MAF: variants seen among roughly 807,000 people sequenced by gnomAD.
MAF encodes the protein transcription factor Maf.
A neutral mutation model predicts 22.0 loss-of-function variants in MAF; 10 were observed. That is an observed-to-expected ratio of 0.45 (90% CI 0.28 to 0.77). MAF has a LOEUF of 0.77. Ranked by LOEUF, MAF falls within the 30% of genes least tolerant of loss-of-function variation. The pLI, the probability that MAF is intolerant of heterozygous loss-of-function variation, is 0.12. For synonymous variants in MAF, 337 were observed against 255.8 expected (o/e 1.32, Z -3.03); for missense variants, 544 against 548.4 (o/e 0.99, Z 0.08).
chr16:79,336,143 A>G, the MAF span, among the ~76,000 whole-genome samples: 1 of 152,200 alleles, frequency 6.6e-6, no homozygotes, highest in South Asian at 2.1e-4. Context: ...AAGCTGAAAC[A>G]TGAGGTTAAA....
At chr16:79,333,412 G>A in the MAF span, among the ~76,000 whole-genome samples, 7 of 152,236 alleles carry the variant, frequency 4.6e-5, 2 homozygotes, top group African/African-American at 1.7e-4. Flanking sequence ...AGTCAGTGGG[G>A]CAGACCAAAG....
the MAF span, among the ~76,000 whole-genome samples, chr16:79,350,866 AGTGTGTGTGTGTGTGTGTGT>A: frequency 6.7e-6 from 1 of 148,406 alleles, no homozygotes; most frequent in Non-Finnish European, 1.5e-5. Flanking sequence ...AACAGTGAGA[AGTGTGTGTGTGTGTGTGTGT>A]GTGTGTGTGT....
At chr16:79,211,512 T>G in the MAF span, 1 of 1,512,622 alleles carries the variant, frequency 6.6e-7, no homozygotes, top group Non-Finnish European at 9.1e-7. Context: ...CTGAACCAGG[T>G]GGGGGAGGCC....
chr16:79,330,099 T>C, the MAF span, among the ~76,000 whole-genome samples: 1 of 152,208 alleles, frequency 6.6e-6, no homozygotes, highest in Non-Finnish European at 1.5e-5. Context: ...TACCGATTTA[T>C]TCAAAGCAGG....
the MAF span, among the ~76,000 whole-genome samples, chr16:79,274,298 C>T: frequency 6.6e-6 from 1 of 151,160 alleles, no homozygotes; most frequent in Non-Finnish European, 1.5e-5. Flanking sequence ...AACAATAAAG[C>T]TGTGGCTTTA....
the MAF span, chr16:79,211,772 A>T: frequency 1.2e-6 from 2 of 1,614,084 alleles, no homozygotes; most frequent in Non-Finnish European, 1.7e-6. Context: ...TGATCCAAGA[A>T]CGGCTTGGCA....
At chr16:79,569,166 C>G in the MAF span, among the ~76,000 whole-genome samples, 1 of 152,194 alleles carries the variant, frequency 6.6e-6, no homozygotes, top group African/African-American at 2.4e-5. Context: ...TTCTCAGTCC[C>G]AGCATAATTG....
At chr16:79,545,977 T>G in the MAF span, among the ~76,000 whole-genome samples, 1 of 152,138 alleles carries the variant, frequency 6.6e-6, no homozygotes, top group East Asian at 1.9e-4. Flanking sequence ...TAATTAGCTA[T>G]TTCACAGTGT....
the MAF span, among the ~76,000 whole-genome samples, chr16:79,358,184 T>A: frequency 6.6e-6 from 1 of 152,294 alleles, no homozygotes; most frequent in Admixed American, 6.5e-5. Flanking sequence ...GCTTTTCAAA[T>A]ACTGGCGATG....
chr16:79,422,829 C>G, the MAF span, among the ~76,000 whole-genome samples: 183 of 152,260 alleles, frequency 1.2e-3, 3 homozygotes, highest in Non-Finnish European at 9.8e-4. Flanking sequence ...TTGCACTAAT[C>G]TTATGAACAC....
chr16:79,502,204 C>A, the MAF span, among the ~76,000 whole-genome samples: 1 of 152,158 alleles, frequency 6.6e-6, no homozygotes, highest in Non-Finnish European at 1.5e-5. Context: ...GCTCCTGAGG[C>A]CCGGCTACTT....
At chr16:79,321,689 C>A in the MAF span, among the ~76,000 whole-genome samples, 2 of 144,242 alleles carry the variant, frequency 1.4e-5, no homozygotes, top group Admixed American at 7.1e-5. Context: ...CTCGCTCTGT[C>A]ACCCAGGCTG....
the MAF span, among the ~76,000 whole-genome samples, chr16:79,414,145 C>A: frequency 6.6e-6 from 1 of 152,174 alleles, no homozygotes; most frequent in African/African-American, 2.4e-5. Context: ...ATTGGCTGAG[C>A]TCTTGTTCTT....
the MAF span, among the ~76,000 whole-genome samples, chr16:79,245,895 A>T: frequency 3.3e-5 from 5 of 152,080 alleles, no homozygotes; most frequent in Non-Finnish European, 7.4e-5. Flanking sequence ...GGATGAGTTC[A>T]TGTTTTCTGC....
the MAF span, among the ~76,000 whole-genome samples, chr16:79,292,480 T>A: frequency 6.6e-6 from 1 of 152,330 alleles, no homozygotes; most frequent in African/African-American, 2.4e-5. Context: ...AAGAGTAAAT[T>A]TCTTTTGTAA....
At chr16:79,203,493 G>A in the MAF span, 1 of 138,482 alleles carries the variant, frequency 7.2e-6, no homozygotes, top group Non-Finnish European at 1.5e-5. Flanking sequence ...CGGAGACCTT[G>A]TGTTTTTTTT....
At chr16:79,503,902 T>C in the MAF span, among the ~76,000 whole-genome samples, 4 of 152,196 alleles carry the variant, frequency 2.6e-5, no homozygotes, top group African/African-American at 9.7e-5. Flanking sequence ...CTATATCCTA[T>C]AAACCACTTA....
chr16:79,473,438 G>T, the MAF span, among the ~76,000 whole-genome samples: 2 of 152,218 alleles, frequency 1.3e-5, no homozygotes, highest in African/African-American at 4.8e-5. Flanking sequence ...CACAATCATA[G>T]CCTCTCATGG....
chr16:79,230,838 T>G, the MAF span, among the ~76,000 whole-genome samples: 1 of 152,030 alleles, frequency 6.6e-6, no homozygotes, highest in African/African-American at 2.4e-5. Context: ...CCATTTATTT[T>G]GGGATGAAGA....
Sources: allele counts gnomAD v4.1 joint callset (sites outside exome capture counted in the v4.1 genomes callset), GRCh38; gene constraint gnomAD v4.1.1; transcripts MANE v1.5; gene names NCBI Gene and HGNC (gene_info 2026-07-23, HGNC 2026-07-21).